The following KIAA0753 variants were observed in gnomAD, a reference collection of about 807,000 sequenced individuals.
KIAA0753 encodes protein moonraker.
Under a neutral mutation model 116.9 loss-of-function variants are expected in KIAA0753, and 114 were observed. That is an observed-to-expected ratio of 0.98 (90% CI 0.84 to 1.14). KIAA0753 has a LOEUF of 1.14. Among genes scored for constraint, KIAA0753 ranks in the 50% most tolerant of loss-of-function variants. The probability of loss-of-function intolerance (pLI) is 0.00; values close to 1 mark genes in which losing one functional copy is unlikely to be tolerated. For synonymous variants in KIAA0753, 405 were observed against 413.1 expected, an observed-to-expected ratio of 0.98 and a Z score of 0.24; for missense variants, 1,156 against 1,172.4, an observed-to-expected ratio of 0.99 and a Z score of 0.20.
intron 18 of KIAA0753, among the ~76,000 whole-genome samples, chr17:6,584,149 A>G (rs1172082235): frequency 2.4e-5 from 1 of 41,832 alleles, no homozygotes; most frequent in Admixed American, 2.7e-4. Flanking sequence ...CACTTTAGCA[A>G]CCCGTGAATT....
At position 6,578,758 on chromosome 17, in the gene KIAA0753, T is replaced by G. The variant is rs1464776255; in HGVS notation, c.*989A>C. ...GCCTGATTCTTACGCACATTCCGTT[T>G]CTTTTTCTGAATTCAGAGTTTCTGA... is the stretch of plus-strand genomic sequence containing the variant. On this transcript the variant is annotated 3_prime_UTR_variant, in exon 19 of 19. Coordinates refer to ENST00000361413, the MANE Select transcript of KIAA0753 (RefSeq NM_014804.3). 1.3e-5 allele frequency: 2 copies of G among 152,254 alleles called. No homozygotes were observed. The highest frequency in any genetic ancestry group is 2.9e-5 in the Non-Finnish European group (2 of 68,038). 9.4% of individuals were successfully genotyped at this position (152,254 alleles called of 1,614,324 possible).
At chr17:6,585,652 T>C (rs1968523464) in intron 18 of KIAA0753, among the ~76,000 whole-genome samples, 1 of 152,228 alleles carries the variant, frequency 6.6e-6, no homozygotes, top group Non-Finnish European at 1.5e-5. Context: ...AGCCATCATG[T>C]TTTTAATTTC....
intron 1 of KIAA0753, 100 bp from the exon 2 acceptor site, chr17:6,635,271 G>A: frequency 2.0e-6 from 1 of 507,078 alleles, no homozygotes; most frequent in Non-Finnish European, 3.6e-6. Context: ...ACTAGAAGTA[G>A]CCAATAGTAA....
chr17:6,625,104 C>T (rs1971580475), intron 3 of KIAA0753, among the ~76,000 whole-genome samples: 1 of 152,214 alleles, frequency 6.6e-6, no homozygotes, highest in Non-Finnish European at 1.5e-5. Flanking sequence ...AGCTCCCCTC[C>T]AGCCAGAATT....
At position 6,590,507 on chromosome 17, in the gene KIAA0753, T is replaced by TA. The variant is rs1204295684; in HGVS notation, c.2561+2dup. ...GAAATCAGAAAGTGTCTTTGCCACT[T>TA]ACTTGCCATTACAGGGCCTTTCTAA... On this transcript the variant is annotated splice_region_variant and intron_variant, in intron 17 of 18. Coordinates refer to ENST00000361413, the MANE Select transcript of KIAA0753 (RefSeq NM_014804.3). The TA allele has an allele frequency of 6.2e-7, 1 of 1,613,902 alleles. No individual in the cohort carries two copies. Among genetic ancestry groups the TA allele is most frequent in the Admixed American group, 1.7e-5 (1 of 60,014 alleles).
At chr17:6,612,624 T>C (rs1014234815) in intron 7 of KIAA0753, among the ~76,000 whole-genome samples, 4 of 152,186 alleles carry the variant, frequency 2.6e-5, no homozygotes, top group African/African-American at 9.7e-5. Context: ...TCCCAGCACT[T>C]TGGAAGGCTG....
chr17:6,617,369 C>A (rs1971000787), intron 7 of KIAA0753, among the ~76,000 whole-genome samples: 1 of 152,134 alleles, frequency 6.6e-6, no homozygotes, highest in East Asian at 1.9e-4. Flanking sequence ...ACCTGCCTAC[C>A]AATGAAGGAG....
intron 3 of KIAA0753, among the ~76,000 whole-genome samples, chr17:6,626,659 C>T (rs1221892732): frequency 1.3e-5 from 2 of 152,076 alleles, no homozygotes; most frequent in African/African-American, 2.4e-5. Context: ...CAGGGGCCAT[C>T]GCAAAATATT....
rs376623021 is a variant in KIAA0753 at position 6,589,624 on chromosome 17, TAGAG to T, written c.2786+151_2786+154del. On this transcript the variant is annotated intron_variant, in intron 18 of 18. Coordinates refer to ENST00000361413, the MANE Select transcript of KIAA0753 (RefSeq NM_014804.3). ...TTTTACGGTTCCCTGTGTCTGAAAATAGAGAGCCTGTCTCCTAGCCCAAGAACAA... is the reference window on the plus strand; with the variant it reads ...TTTTACGGTTCCCTGTGTCTGAAAATAGCCTGTCTCCTAGCCCAAGAACAA... Among the ~76,000 whole-genome samples, 694 of 152,140 alleles carry T rather than the reference TAGAG, an allele frequency of 4.6e-3. 5 individuals carry two copies. The highest frequency in any genetic ancestry group is 0.016 in the African/African-American group (647 of 41,426).
intron 14 of KIAA0753, among the ~76,000 whole-genome samples, chr17:6,596,731 G>A (rs1174550566): frequency 2.0e-5 from 3 of 152,190 alleles, no homozygotes; most frequent in African/African-American, 7.2e-5. Context: ...TTGGTGCAGT[G>A]CTTCTGTGAA....
At chr17:6,624,640 G>C (rs867581498) in intron 4 of KIAA0753, 115 bp downstream of exon 4, 3 of 654,050 alleles carry the variant, frequency 4.6e-6, no homozygotes, top group Admixed American at 2.8e-5. Flanking sequence ...AAATCTGTCA[G>C]AACTCATATG....
At chr17:6,603,220 A>G (rs762521047) in intron 12 of KIAA0753, among the ~76,000 whole-genome samples, 3 of 152,186 alleles carry the variant, frequency 2.0e-5, no homozygotes, top group Non-Finnish European at 2.9e-5. Flanking sequence ...AGGAAGTCCA[A>G]CATCAAAGAA....
chr17:6,589,784 A>C lies in KIAA0753; in HGVS notation c.2781T>G (p.Ala927=). The change falls in exon 18 of 19, where the codon GCT becomes GCG. Residue 927 remains alanine (A), a synonymous_variant. Transcript: ENST00000361413. ...AVGSFNPWLI[A]ESFSEELVDE... is the part of the protein sequence containing the mutation. ...GACCGTAACATTTTACTGACCTTTC[A>C]GCTATCAGCCACGGGTTGAAGGAGC... 1 of 1,597,948 alleles carries C rather than the reference A, an allele frequency of 6.3e-7. No individual in the cohort carries two copies. The highest frequency in any genetic ancestry group is 8.5e-7 in the Non-Finnish European group (1 of 1,175,896).
rs78673147 is a variant in KIAA0753, at chr17:6,606,046, T to G, written c.2009+827A>C. Among the ~76,000 whole-genome samples, 1,212 of 152,206 alleles carry G rather than the reference T, an allele frequency of 8.0e-3. 8 individuals are homozygous for G. The highest frequency in any genetic ancestry group is 0.012 in the Admixed American group (178 of 15,298). On this transcript the variant is annotated intron_variant, in intron 12 of 18. Transcript: ENST00000361413. ...CCATGAAATGTATTCCCTCTGACAG[T>G]AGTGACTATCCCATCACAGAGGGTG...
At chr17:6,620,407 AG>A (rs1971221913) in intron 7 of KIAA0753, among the ~76,000 whole-genome samples, 3 of 139,668 alleles carry the variant, frequency 2.1e-5, no homozygotes, top group South Asian at 4.7e-4. Flanking sequence ...AATTTATCTG[AG>A]GAAAAAAAAA....
At chr17:6,590,990 AAAG>A (rs1379081911) in intron 16 of KIAA0753, among the ~76,000 whole-genome samples, 2 of 114,344 alleles carry the variant, frequency 1.7e-5, no homozygotes, top group South Asian at 2.8e-4. Context: ...GAAGAAGAAG[AAAG>A]AAGAAGGAAG....
At position 6,628,388 on chromosome 17, in the gene KIAA0753, T is replaced by C; in HGVS notation, c.447A>G (p.Ser149=). Residue 149 remains serine, a synonymous_variant, in exon 3 of 19, where the codon TCA becomes TCG. Transcript: ENST00000361413. The part of the protein sequence containing the change: ...IPDHRVERKE[S]KSQAACQCSH... ...TACACTGACAGGCTGCTTGACTCTTTGATTCCTTCCTTTCCACCCTGTGGT... is the reference window on the plus strand; with the variant it reads ...TACACTGACAGGCTGCTTGACTCTTCGATTCCTTCCTTTCCACCCTGTGGT... The C allele has an allele frequency of 6.2e-7, 1 of 1,614,232 alleles. No individual in the cohort carries two copies. Among genetic ancestry groups the C allele is most frequent in the African/African-American group, 1.3e-5 (1 of 75,050 alleles).
chr17:6,591,809 G>A (rs1161279180), intron 16 of KIAA0753, among the ~76,000 whole-genome samples: 1 of 152,224 alleles, frequency 6.6e-6, no homozygotes, highest in Non-Finnish European at 1.5e-5. Flanking sequence ...ACAGAAAGAT[G>A]CTAAAATGCC....
chr17:6,624,951 G>A, intron 3 of KIAA0753, 90 bp from the exon 4 acceptor site: 3 of 844,760 alleles, frequency 3.6e-6, no homozygotes, highest in Non-Finnish European at 5.6e-6. Flanking sequence ...AAATAATAAA[G>A]TTGAAGATCT....
Sources: gnomAD v4.1 joint callset for allele counts (sites outside exome capture counted in the v4.1 genomes callset) on GRCh38, gnomAD v4.1.1 for gene constraint, MANE v1.5 for transcripts, NCBI Gene and HGNC (gene_info 2026-07-23, HGNC 2026-07-21) for gene names.